CUX2: variants seen among roughly 807,000 people sequenced by gnomAD.
CUX2 encodes the protein homeobox protein cut-like 2.
CUX2 carries 40 observed loss-of-function variants against 144.8 expected under a neutral mutation model. That is an observed-to-expected ratio of 0.28 (90% CI 0.21 to 0.36). CUX2 has a LOEUF of 0.36. Ranked by LOEUF, CUX2 falls within the 10% of genes least tolerant of loss-of-function variation. The pLI is 1.00. For missense variants in CUX2, 1,615 were observed against 1,994.0 expected (o/e 0.81, Z 3.62); for synonymous variants, 827 against 875.6 (o/e 0.94, Z 0.98).
Position 111,160,123 on chromosome 12 carries a change from G to A in CUX2, c.64-54077G>A, listed in dbSNP as rs759808587. Among the ~76,000 whole-genome samples, 8 of 152,214 alleles carry A rather than the reference G, an allele frequency of 5.3e-5. No homozygotes were observed. The highest frequency in any genetic ancestry group is 1.7e-4 in the African/African-American group (7 of 41,442). On this transcript the variant is annotated intron_variant, in intron 1 of 21. Coordinates refer to ENST00000261726, the MANE Select transcript of CUX2 (RefSeq NM_015267.4). The surrounding 1 kb of genome is among the most constrained non-coding windows in gnomAD (Gnocchi z 4.1). Reference sequence around the variant, plus strand: ...ATTGAGCTCCTGCTGGGTGCTGGGCGCTGGGAATACAGCAATGAACAGAAG... The same window carrying A: ...ATTGAGCTCCTGCTGGGTGCTGGGCACTGGGAATACAGCAATGAACAGAAG...
Position 111,133,345 on chromosome 12 carries a change from G to A in CUX2, c.64-80855G>A, listed in dbSNP as rs529731806. Among the ~76,000 whole-genome samples, 3 of 152,218 alleles carry A rather than the reference G, an allele frequency of 2.0e-5. No individual in the cohort carries two copies. The South Asian group carries it at 6.2e-4, about 32-fold the overall frequency. ...GCCGATAAAGATGTACCCAAAACTG[G>A]GAACAAAAAGAGGTTTCATTGGACT... On this transcript the variant is annotated intron_variant, in intron 1 of 21. Coordinates refer to ENST00000261726, the MANE Select transcript of CUX2 (RefSeq NM_015267.4).
chr12:111,184,573 CAAAAAAAAAAAAA>C (rs71445536), intron 1 of CUX2, among the ~76,000 whole-genome samples: 58 of 46,920 alleles, frequency 1.2e-3, no homozygotes, highest in African/African-American at 3.3e-3. Context: ...TTCTCTCTAC[CAAAAAAAAAAAAA>C]AAAAAAAAAA....
rs749637484 is a variant in CUX2, at chr12:111,233,737, T to TA, written c.222+15801dup. Among the ~76,000 whole-genome samples, 69 of 152,332 alleles carry TA rather than the reference T, an allele frequency of 4.5e-4. 2 individuals carry two copies. Among genetic ancestry groups the TA allele is most frequent in the South Asian group, 8.3e-4 (4 of 4,818 alleles). On this transcript the variant is annotated intron_variant, in intron 3 of 21. Transcript: ENST00000261726. ...GTTTCTTTTACAAAGGGGAAACTGA[T>TA]ACTCTGATTGAGACACCAAGATCAC...
intron 3 of CUX2, among the ~76,000 whole-genome samples, chr12:111,256,266 G>C (rs1415254985): frequency 6.6e-6 from 1 of 151,492 alleles, no homozygotes; most frequent in Non-Finnish European, 1.5e-5. Context: ...CCTTCTGTGT[G>C]GCCCCCTGAT....
chr12:111,330,248 G>A (rs557935195), intron 18 of CUX2, among the ~76,000 whole-genome samples: 24 of 152,126 alleles, frequency 1.6e-4, no homozygotes, highest in Non-Finnish European at 3.1e-4. Context: ...AGTACTCAGG[G>A]ATCCTGGCTG....
rs1879003994 is a variant in CUX2 at position 111,178,887 on chromosome 12, T to A, written c.64-35313T>A. Among the ~76,000 whole-genome samples the A allele has an allele frequency of 6.6e-6, 1 of 152,030 alleles. No individual in the cohort carries two copies. Among genetic ancestry groups the A allele is most frequent in the South Asian group, 2.1e-4 (1 of 4,810 alleles). On this transcript the variant is annotated intron_variant, in intron 1 of 21. Coordinates refer to ENST00000261726, the MANE Select transcript of CUX2 (RefSeq NM_015267.4). This position sits in a 1 kb window ranked among gnomAD's most constrained non-coding sequence, Gnocchi z 5.7. ...TGTGCATGTGCCAGGTCCAGGAGCG[T>A]GTCTGGACTCTGTAACGGGGAATGA...
At chr12:111,217,150 G>A (rs1327594228) in intron 2 of CUX2, among the ~76,000 whole-genome samples, 1 of 152,170 alleles carries the variant, frequency 6.6e-6, no homozygotes, top group Non-Finnish European at 1.5e-5. Context: ...GGAACCTCAG[G>A]TCACTTATGA....
chr12:111,067,962 C>A (rs918753686), intron 1 of CUX2, among the ~76,000 whole-genome samples: 2 of 152,138 alleles, frequency 1.3e-5, no homozygotes, highest in African/African-American at 2.4e-5. Flanking sequence ...GTTCCACCCC[C>A]TGCCTCAGAT....
At chr12:111,331,564 G>T (rs1842389328) in intron 18 of CUX2, among the ~76,000 whole-genome samples, 1 of 151,906 alleles carries the variant, frequency 6.6e-6, no homozygotes, top group African/African-American at 2.4e-5. Context: ...TGCCCCAGGA[G>T]GTGGAGGTGG....
At chr12:111,209,106 C>G (rs1881070161) in intron 1 of CUX2, among the ~76,000 whole-genome samples, 1 of 152,188 alleles carries the variant, frequency 6.6e-6, no homozygotes, top group African/African-American at 2.4e-5. Flanking sequence ...TTCACAGGCA[C>G]TAGGAACGTG....
intron 1 of CUX2, among the ~76,000 whole-genome samples, chr12:111,058,607 C>T (rs889009997): frequency 3.3e-5 from 5 of 152,052 alleles, no homozygotes; most frequent in African/African-American, 1.2e-4. Flanking sequence ...GAGCAATTCT[C>T]TCATCTCAGA....
chr12:111,274,353 G>T (rs1333754898), intron 4 of CUX2, among the ~76,000 whole-genome samples: 1 of 152,240 alleles, frequency 6.6e-6, no homozygotes, highest in Non-Finnish European at 1.5e-5. Context: ...CCTTTGGAAA[G>T]CAGACTTACC....
intron 1 of CUX2, among the ~76,000 whole-genome samples, chr12:111,053,218 A>G (rs901440312): frequency 2.6e-5 from 4 of 152,336 alleles, no homozygotes; most frequent in South Asian, 2.1e-4. Flanking sequence ...GGCACATACC[A>G]GGGGCTCCAG....
rs202210621 is a variant in CUX2 at position 111,334,455 on chromosome 12, C to T, written c.2941C>T (p.Pro981Ser). 1.7e-4 allele frequency: 270 copies of T among 1,601,654 alleles called. 4 individuals carry two copies. In the South Asian group the frequency reaches 2.9e-3, roughly 17 times the overall value. Residue 981 changes from proline to serine, a missense_variant, in exon 19 of 22, where the codon CCA (proline) becomes TCA (serine). Around this residue, in one of 12 missense-constraint regions of CUX2, gnomAD observed 128 missense variants for 124.4 expected, o/e 1.03. Transcript: ENST00000261726. ...PGASQASPTE[P>S]RSSPSPPPSP... ...GTGGCCCACAGCCAGTCCCACAGAA[C>T]CAAGGTCCTCACCATCCCCACCCCC... is the stretch of plus-strand genomic sequence containing the variant.
intron 1 of CUX2, among the ~76,000 whole-genome samples, chr12:111,161,683 C>T (rs920185982): frequency 7.2e-5 from 11 of 152,268 alleles, no homozygotes; most frequent in African/African-American, 2.6e-4. Context: ...CTGCAAAACC[C>T]GTTCTCTTAG....
rs1383990760 is a variant in CUX2 at position 111,310,675 on chromosome 12, G to A, written c.1893G>A (p.Arg631=). The change falls in exon 15 of 22, where the codon CGG becomes CGA. Residue 631 remains arginine, a synonymous_variant. Coordinates refer to ENST00000261726, the MANE Select transcript of CUX2 (RefSeq NM_015267.4). This position sits in a 1 kb window ranked among gnomAD's most constrained non-coding sequence, Gnocchi z 7.9. Reference sequence around the variant, plus strand: ...TGGCGCTCAGGACCATCCAAGTGCGGCAGCGAGGTGAGTGCCCAAGAGGGC... The same window carrying A: ...TGGCGCTCAGGACCATCCAAGTGCGACAGCGAGGTGAGTGCCCAAGAGGGC... The part of the protein sequence containing the change: ...NVLALRTIQV[R]QRGSITPRIR... 16 of 1,584,084 alleles carry A rather than the reference G, an allele frequency of 1.0e-5. No homozygotes were observed. Among genetic ancestry groups the A allele is most frequent in the Non-Finnish European group, 1.3e-5 (15 of 1,158,884 alleles).
At chr12:111,153,336 T>C (rs2136139686) in intron 1 of CUX2, among the ~76,000 whole-genome samples, 1 of 152,358 alleles carries the variant, frequency 6.6e-6, no homozygotes, top group South Asian at 2.1e-4. Flanking sequence ...CAGTCATGCA[T>C]CACTTGACAA....
chr12:111,292,498 G>A (rs1337906948), intron 5 of CUX2, among the ~76,000 whole-genome samples: 1 of 152,206 alleles, frequency 6.6e-6, no homozygotes, highest in Admixed American at 6.5e-5. Flanking sequence ...GCTTAGGCAG[G>A]AGAATTGCCT....
Position 111,348,519 on chromosome 12 carries a change from C to T in CUX2, c.*194C>T. 1.6e-6 allele frequency: 1 copy of T among 614,948 alleles called. No homozygotes were observed. Among genetic ancestry groups the T allele is most frequent in the Non-Finnish European group, 2.8e-6 (1 of 358,810 alleles). 38.1% of individuals were successfully genotyped at this position (614,948 alleles called of 1,614,324 possible). On this transcript the variant is annotated 3_prime_UTR_variant, in exon 22 of 22. Transcript: ENST00000261726. ...TGAGCAGGTGGGTCAAATGCCATTG[C>T]CTCCACTTTTCTGCACCCCCCTGCT...
Sources: allele counts gnomAD v4.1 joint callset (sites outside exome capture counted in the v4.1 genomes callset), GRCh38; gene constraint gnomAD v4.1.1; regional missense constraint gnomAD v4.1.1; non-coding constraint Gnocchi (gnomAD v3.1); transcripts MANE v1.5; gene names NCBI Gene and HGNC (gene_info 2026-07-23, HGNC 2026-07-21).